NR3C2: variants seen among roughly 807,000 people sequenced by gnomAD.
NR3C2 encodes nuclear receptor subfamily 3 group C member 2, also known as mineralocorticoid receptor.
NR3C2 carries 15 observed loss-of-function variants against 86.4 expected under a neutral mutation model. The ratio of observed to expected loss-of-function variants is 0.17; its 90% CI spans 0.12 to 0.27. NR3C2 has a LOEUF of 0.27. Among genes scored for constraint, NR3C2 ranks in the 10% least tolerant of loss-of-function variants. The pLI is 1.00. For synonymous variants in NR3C2, 458 were observed against 450.5 expected, an observed-to-expected ratio of 1.02 and a Z score of -0.21; for missense variants, 960 against 1,195.6, an observed-to-expected ratio of 0.80 and a Z score of 2.91.
intron 3 of NR3C2, chr4:148,208,312 T>A (rs1186241566): frequency 1.3e-5 from 2 of 152,298 alleles, no homozygotes; most frequent in African/African-American, 4.8e-5. Context: ...CTTGCAGGAC[T>A]GTATTCAGCC....
Position 148,081,291 on chromosome 4 carries a change from G to T in NR3C2, c.*53C>A. 1 of 1,611,640 alleles carries T rather than the reference G, an allele frequency of 6.2e-7. No homozygotes were observed. The highest frequency in any genetic ancestry group is 8.5e-7 in the Non-Finnish European group (1 of 1,177,772). On this transcript the variant is annotated 3_prime_UTR_variant, in exon 9 of 9. Coordinates refer to ENST00000358102, the MANE Select transcript of NR3C2 (RefSeq NM_000901.5). Reference sequence around the variant, plus strand: ...AACAGGTTTTCTTGGGTCCTTCTGGGTGTGGAACAACACAGGGAAACTTAA... The same window carrying T: ...AACAGGTTTTCTTGGGTCCTTCTGGTTGTGGAACAACACAGGGAAACTTAA...
At chr4:148,387,686 T>A (rs1416576825) in intron 2 of NR3C2, among the ~76,000 whole-genome samples, 2 of 152,174 alleles carry the variant, frequency 1.3e-5, no homozygotes, top group African/African-American at 2.4e-5. Context: ...TCTCAACGCA[T>A]AAAGTGTTAA....
Position 148,120,103 on chromosome 4 carries a change from A to G in NR3C2, c.2641+55T>C. 3.1e-6 allele frequency: 5 copies of G among 1,610,280 alleles called. No homozygotes were observed. In the South Asian group the frequency reaches 5.5e-5, roughly 18 times the overall value. ...AATACAATAAATAGCCTACTGCCCT[A>G]TGGGGAAGATGATCTGGTAATATAG... is the stretch of plus-strand genomic sequence containing the variant. On this transcript the variant is annotated intron_variant, in intron 7 of 8. Transcript: ENST00000358102.
intron 8 of NR3C2, among the ~76,000 whole-genome samples, chr4:148,085,424 AAT>A (rs1491251634): frequency 6.6e-6 from 1 of 152,216 alleles, no homozygotes; most frequent in East Asian, 1.9e-4. Flanking sequence ...GGTAGAAATA[AAT>A]AAGTTCTTTG....
rs533318408 is a variant in NR3C2 at position 148,152,345 on chromosome 4, C to A, written c.2510+124G>T. 1.1e-4 allele frequency: 117 copies of A among 1,043,692 alleles called. No homozygotes were observed. The African/African-American group carries it at 1.7e-3, about 15-fold the overall frequency. The allele number at this position is 1,043,692 out of a possible 1,614,324, so 64.7% of individuals were successfully genotyped here. On this transcript the variant is annotated intron_variant, in intron 6 of 8. Transcript: ENST00000358102. Reference sequence around the variant, plus strand: ...TTCCCAGAGATCTGTAAATTTTTAACGTTAAAAAATGCCAGTTTCAGTAGA... The same window carrying A: ...TTCCCAGAGATCTGTAAATTTTTAAAGTTAAAAAATGCCAGTTTCAGTAGA...
At chr4:148,270,784 G>T (rs1036283157) in intron 2 of NR3C2, among the ~76,000 whole-genome samples, 4 of 152,154 alleles carry the variant, frequency 2.6e-5, no homozygotes, top group Non-Finnish European at 5.9e-5. Flanking sequence ...ACCTTTTCTA[G>T]TCTAGCCCCA....
chr4:148,270,970 T>A (rs1429914), intron 2 of NR3C2, among the ~76,000 whole-genome samples: 26,919 of 152,154 alleles, frequency 0.18, 3,042 homozygotes, highest in East Asian at 0.47. Flanking sequence ...CTGGCTTTAA[T>A]GATAAAACCA....
Position 148,193,473 on chromosome 4 carries a change from A to G in NR3C2, c.2014+1273T>C, listed in dbSNP as rs568506815. On this transcript the variant is annotated intron_variant, in intron 4 of 8. Transcript: ENST00000358102. ...GCATGCTGCTTTTTCTGGAGCTGCAATCTAGTCCTGCCTCCTGTCCACCAT... is the reference window on the plus strand; with the variant it reads ...GCATGCTGCTTTTTCTGGAGCTGCAGTCTAGTCCTGCCTCCTGTCCACCAT... 7.2e-5 allele frequency among the ~76,000 whole-genome samples: 11 copies of G among 152,294 alleles called. 1 individual carries two copies. The East Asian group carries it at 1.9e-3, about 27-fold the overall frequency.
At chr4:148,229,481 T>C (rs1370414878) in intron 3 of NR3C2, among the ~76,000 whole-genome samples, 3 of 152,230 alleles carry the variant, frequency 2.0e-5, no homozygotes, top group Non-Finnish European at 2.9e-5. Context: ...AATAAGGTTA[T>C]AGTCCTGTGT....
At chr4:148,323,662 C>T (rs999703551) in intron 2 of NR3C2, among the ~76,000 whole-genome samples, 5 of 152,122 alleles carry the variant, frequency 3.3e-5, no homozygotes, top group African/African-American at 1.2e-4. Flanking sequence ...TCAGTCACCC[C>T]TTTCTTTGAC....
At chr4:148,384,905 T>G (rs1421270831) in intron 2 of NR3C2, among the ~76,000 whole-genome samples, 2 of 152,196 alleles carry the variant, frequency 1.3e-5, no homozygotes, top group Non-Finnish European at 2.9e-5. Flanking sequence ...AACTAGGCCA[T>G]CAGCACAAAA....
intron 3 of NR3C2, among the ~76,000 whole-genome samples, chr4:148,246,222 T>G (rs1465668089): frequency 1.3e-5 from 2 of 152,224 alleles, no homozygotes; most frequent in Non-Finnish European, 2.9e-5. Context: ...TACACACCTT[T>G]CTGCATAATA....
At chr4:148,119,808 G>A (rs1225381557) in intron 7 of NR3C2, among the ~76,000 whole-genome samples, 1 of 149,212 alleles carries the variant, frequency 6.7e-6, no homozygotes, top group African/African-American at 2.5e-5. Context: ...AAAAATCTTT[G>A]AACTTTGCTT....
At chr4:148,380,899 T>A (rs187868723) in intron 2 of NR3C2, among the ~76,000 whole-genome samples, 1 of 152,206 alleles carries the variant, frequency 6.6e-6, no homozygotes, top group East Asian at 1.9e-4. Context: ...TTATACACAC[T>A]GATATAAAAT....
intron 4 of NR3C2, among the ~76,000 whole-genome samples, chr4:148,156,431 C>T (rs1201648742): frequency 2.6e-5 from 4 of 151,522 alleles, no homozygotes; most frequent in Non-Finnish European, 4.4e-5. Context: ...AAACAAACAA[C>T]CCCATCAAAA....
At chr4:148,165,960 G>T (rs1734859204) in intron 4 of NR3C2, among the ~76,000 whole-genome samples, 1 of 152,154 alleles carries the variant, frequency 6.6e-6, no homozygotes, top group African/African-American at 2.4e-5. Context: ...CATGCAAGTT[G>T]GAGGGCAAAA....
At chr4:148,444,327 C>T (rs72646932), upstream of NR3C2, 11 of 985,330 alleles carry the variant, frequency 1.1e-5, no homozygotes, top group Non-Finnish European at 1.3e-5. Flanking sequence ...GGGCAGCCGC[C>T]GCGATCACTC....
intron 2 of NR3C2, among the ~76,000 whole-genome samples, chr4:148,327,043 G>A (rs980658780): frequency 1.2e-4 from 19 of 152,060 alleles, no homozygotes; most frequent in Non-Finnish European, 2.5e-4. Context: ...AATTATTTTT[G>A]ATTATTCAGT....
chr4:148,086,377 C>T (rs1385512232), intron 8 of NR3C2, among the ~76,000 whole-genome samples: 1 of 152,174 alleles, frequency 6.6e-6, no homozygotes, highest in Non-Finnish European at 1.5e-5. Context: ...ATGACAAAAA[C>T]CACATGGTTA....
Sources: gnomAD v4.1 joint callset for allele counts (sites outside exome capture counted in the v4.1 genomes callset) on GRCh38, gnomAD v4.1.1 for gene constraint, MANE v1.5 for transcripts, NCBI Gene and HGNC (gene_info 2026-07-23, HGNC 2026-07-21) for gene names.